The following SPIDR variants were observed in gnomAD, a reference collection of about 807,000 sequenced individuals.
SPIDR encodes scaffold protein involved in DNA repair.
A neutral mutation model predicts 104.6 loss-of-function variants in SPIDR; 93 were observed. That is an observed-to-expected ratio of 0.89 (90% CI 0.75 to 1.06). The LOEUF (loss-of-function observed/expected upper bound fraction) is 1.06, where lower values mean the gene tolerates loss of function less well. SPIDR is among the 50% of genes least tolerant of loss of function. The pLI, the probability that SPIDR is intolerant of heterozygous loss-of-function variation, is 0.00. For synonymous variants in SPIDR, 431 were observed against 416.9 expected (o/e 1.03, Z -0.41); for missense variants, 1,154 against 1,111.2 (o/e 1.04, Z -0.55).
At chr8:47,566,094 T>C (rs1587839652) in intron 8 of SPIDR, among the ~76,000 whole-genome samples, 1 of 138,144 alleles carries the variant, frequency 7.2e-6, no homozygotes, top group South Asian at 2.5e-4. Context: ...ACAACCTCCG[T>C]CTCCCAGGTT....
chr8:47,547,178 G>A (rs1038448995), intron 8 of SPIDR: 3 of 638,820 alleles, frequency 4.7e-6, no homozygotes, highest in Non-Finnish European at 8.8e-6. Flanking sequence ...TGAGTCACCA[G>A]ATGAGGGATT....
chr8:47,467,214 A>G (rs1285323153), intron 8 of SPIDR, among the ~76,000 whole-genome samples: 3 of 152,160 alleles, frequency 2.0e-5, no homozygotes, highest in Non-Finnish European at 4.4e-5. Context: ...AAATCGAGTC[A>G]GTAATAAATA....
intron 5 of SPIDR, among the ~76,000 whole-genome samples, chr8:47,371,767 C>T (rs1393269129): frequency 2.6e-5 from 4 of 152,178 alleles, no homozygotes; most frequent in Non-Finnish European, 4.4e-5. Context: ...GCCTCTGTCA[C>T]ATAGTGCATT....
At chr8:47,300,405 C>T (rs868914719) in intron 5 of SPIDR, among the ~76,000 whole-genome samples, 2,037 of 152,232 alleles carry the variant, frequency 0.013, 55 homozygotes, top group African/African-American at 0.046. Context: ...AAAGCCAGCT[C>T]CTGGATTCAT....
chr8:47,367,154 C>G (rs763833214), intron 5 of SPIDR, among the ~76,000 whole-genome samples: 1 of 152,098 alleles, frequency 6.6e-6, no homozygotes, highest in Non-Finnish European at 1.5e-5. Flanking sequence ...GTAAGAGATT[C>G]GAAGCAGGAG....
intron 5 of SPIDR, among the ~76,000 whole-genome samples, chr8:47,395,053 C>T (rs1210879603): frequency 2.0e-5 from 3 of 151,950 alleles, no homozygotes; most frequent in Admixed American, 1.3e-4. Context: ...TTTTTTGACT[C>T]TTAAAAAGAG....
intron 7 of SPIDR, among the ~76,000 whole-genome samples, chr8:47,410,118 A>G (rs1456555988): frequency 2.6e-5 from 4 of 152,066 alleles, no homozygotes; most frequent in African/African-American, 7.2e-5. Context: ...TATGAAATAC[A>G]TATATATGTA....
At chr8:47,594,196 CAAAAAA>C (rs372928071) in intron 8 of SPIDR, among the ~76,000 whole-genome samples, 1 of 53,546 alleles carries the variant, frequency 1.9e-5, no homozygotes, top group African/African-American at 7.8e-5. Flanking sequence ...CCAGTCTCTA[CAAAAAA>C]AAAAAAAAAA....
intron 6 of SPIDR, among the ~76,000 whole-genome samples, chr8:47,398,759 G>C (rs1453177653): frequency 6.6e-6 from 1 of 152,196 alleles, no homozygotes; most frequent in Non-Finnish European, 1.5e-5. Context: ...GAGATCCAGT[G>C]CTGGGCGAGA....
chr8:47,299,175 T>A (rs2041527004), intron 5 of SPIDR, among the ~76,000 whole-genome samples: 1 of 152,234 alleles, frequency 6.6e-6, no homozygotes, highest in African/African-American at 2.4e-5. Context: ...TTCACGTCTC[T>A]TGTAAGTTGG....
chr8:47,456,057 C>G (rs1350180824), intron 8 of SPIDR, among the ~76,000 whole-genome samples: 1 of 152,268 alleles, frequency 6.6e-6, no homozygotes, highest in South Asian at 2.1e-4. Context: ...CTTGAGTGCA[C>G]GCATTACATT....
intron 8 of SPIDR, among the ~76,000 whole-genome samples, chr8:47,583,178 C>T (rs1018569609): frequency 2.7e-5 from 4 of 150,484 alleles, no homozygotes; most frequent in African/African-American, 9.7e-5. Context: ...TGGTGGCGGG[C>T]GCCTGTAGTC....
chr8:47,575,654 A>G (rs2059013687), intron 8 of SPIDR, among the ~76,000 whole-genome samples: 1 of 144,544 alleles, frequency 6.9e-6, no homozygotes, highest in Non-Finnish European at 1.5e-5. Context: ...CTCAAAAAAA[A>G]AAAAAAAAAG....
At chr8:47,271,275 G>C (rs941151185) in intron 1 of SPIDR, among the ~76,000 whole-genome samples, 3 of 152,046 alleles carry the variant, frequency 2.0e-5, no homozygotes, top group African/African-American at 7.2e-5. Flanking sequence ...GAAGCATTTT[G>C]GGCTTTGTTT....
chr8:47,680,832 G>A (rs1459538966), intron 11 of SPIDR, among the ~76,000 whole-genome samples: 2 of 152,226 alleles, frequency 1.3e-5, no homozygotes, highest in East Asian at 3.9e-4. Flanking sequence ...GCTGGGCTGG[G>A]CTCAATGGCT....
intron 10 of SPIDR, among the ~76,000 whole-genome samples, chr8:47,636,619 G>A (rs1008547730): frequency 1.3e-5 from 2 of 151,816 alleles, no homozygotes; most frequent in Non-Finnish European, 2.9e-5. Context: ...CCAGGAGTTC[G>A]AGACCAGCCT....
intron 8 of SPIDR, chr8:47,547,656 C>A (rs2089658050): frequency 2.5e-5 from 4 of 159,474 alleles, no homozygotes; most frequent in African/African-American, 7.2e-5. Flanking sequence ...TGGTCTTGAT[C>A]TCTTGACCTC....
intron 10 of SPIDR, among the ~76,000 whole-genome samples, chr8:47,619,022 A>G (rs1051107878): frequency 6.6e-6 from 1 of 152,250 alleles, no homozygotes. Context: ...TAATTGCCCC[A>G]TGGGAGAATG....
intron 5 of SPIDR, among the ~76,000 whole-genome samples, chr8:47,334,493 C>G (rs952711977): frequency 2.6e-5 from 4 of 152,126 alleles, no homozygotes; most frequent in African/African-American, 9.7e-5. Context: ...ACAATTGAAT[C>G]CTTTATCATT....
Sources: allele counts gnomAD v4.1 joint callset (sites outside exome capture counted in the v4.1 genomes callset), GRCh38; gene constraint gnomAD v4.1.1; transcripts MANE v1.5; gene names NCBI Gene and HGNC (gene_info 2026-07-23, HGNC 2026-07-21).